Variants in DPYD observed in about 807,000 individuals in gnomAD.
DPYD encodes the protein dihydropyrimidine dehydrogenase.
In DPYD, 109 loss-of-function variants were observed where a neutral mutation model predicts 116.2. That is an observed-to-expected ratio of 0.94 (90% CI 0.80 to 1.10). The LOEUF (loss-of-function observed/expected upper bound fraction) is 1.10. Ranked by LOEUF, DPYD falls within the 50% of genes least tolerant of loss-of-function variation. The pLI is 0.00. For missense variants in DPYD, 1,302 were observed against 1,254.5 expected (o/e 1.04, Z -0.57); for synonymous variants, 440 against 432.0 (o/e 1.02, Z -0.23).
intron 11 of DPYD, among the ~76,000 whole-genome samples, chr1:97,565,950 CT>C (rs1443466632): frequency 3.3e-5 from 5 of 152,154 alleles, no homozygotes; most frequent in African/African-American, 1.2e-4. Context: ...TGACAACTTT[CT>C]AAAGACATAT....
At chr1:97,702,778 C>T (rs981367911) in intron 5 of DPYD, among the ~76,000 whole-genome samples, 6 of 151,992 alleles carry the variant, frequency 3.9e-5, no homozygotes, top group African/African-American at 1.4e-4. Context: ...CCAAATAATA[C>T]ACAATATGTA....
At chr1:97,461,561 G>C (rs911258579) in intron 13 of DPYD, among the ~76,000 whole-genome samples, 6 of 152,102 alleles carry the variant, frequency 3.9e-5, no homozygotes, top group African/African-American at 1.4e-4. Context: ...TTTCTGCCAA[G>C]AATCTATGAA....
chr1:97,145,161 T>A (rs948593062), intron 20 of DPYD, among the ~76,000 whole-genome samples: 1 of 152,222 alleles, frequency 6.6e-6, no homozygotes, highest in Non-Finnish European at 1.5e-5. Context: ...TGTCATTAAT[T>A]TAACAGGGAG....
chr1:97,852,102 A>C (rs1231950563), intron 2 of DPYD, among the ~76,000 whole-genome samples: 1 of 152,018 alleles, frequency 6.6e-6, no homozygotes, highest in Non-Finnish European at 1.5e-5. Flanking sequence ...AAGAATGTGG[A>C]AATTAAGCCA....
At chr1:97,748,324 T>C in intron 3 of DPYD, among the ~76,000 whole-genome samples, 1 of 152,022 alleles carries the variant, frequency 6.6e-6, no homozygotes, top group Non-Finnish European at 1.5e-5. Flanking sequence ...AAGAGTATAA[T>C]TTGGCCAGGC....
intron 2 of DPYD, among the ~76,000 whole-genome samples, chr1:97,842,328 T>G (rs1311222608): frequency 6.6e-6 from 1 of 151,960 alleles, no homozygotes; most frequent in Non-Finnish European, 1.5e-5. Flanking sequence ...GAATAACAAG[T>G]ATAATAAAAT....
intron 8 of DPYD, among the ~76,000 whole-genome samples, chr1:97,606,888 G>A (rs1010933960): frequency 1.3e-5 from 2 of 151,856 alleles, no homozygotes; most frequent in African/African-American, 4.8e-5. Flanking sequence ...GGCATTGCAG[G>A]GGGTATCCAT....
chr1:97,667,972 T>C (rs1409235240), intron 8 of DPYD, among the ~76,000 whole-genome samples: 2 of 152,238 alleles, frequency 1.3e-5, no homozygotes, highest in Admixed American at 6.5e-5. Context: ...AAATATATAA[T>C]GTATGATTCC....
At chr1:97,585,164 A>G (rs1218200416) in intron 10 of DPYD, among the ~76,000 whole-genome samples, 10 of 152,136 alleles carry the variant, frequency 6.6e-5, no homozygotes, top group Non-Finnish European at 1.2e-4. Flanking sequence ...GGGCTGCACT[A>G]TATGTTGAGT....
intron 11 of DPYD, among the ~76,000 whole-genome samples, chr1:97,556,489 A>C (rs373608512): frequency 7.9e-6 from 1 of 127,044 alleles, no homozygotes; most frequent in African/African-American, 2.9e-5. Flanking sequence ...ATATCTCCCA[A>C]TGCTATCCCT....
At chr1:97,659,257 C>A (rs896320511) in intron 8 of DPYD, among the ~76,000 whole-genome samples, 1 of 152,146 alleles carries the variant, frequency 6.6e-6, no homozygotes, top group Non-Finnish European at 1.5e-5. Flanking sequence ...TAACAGGTAC[C>A]TAGACAGACC....
intron 5 of DPYD, among the ~76,000 whole-genome samples, chr1:97,702,962 C>A (rs1355385212): frequency 6.6e-6 from 1 of 151,878 alleles, no homozygotes; most frequent in Non-Finnish European, 1.5e-5. Context: ...TGAAAGCAAG[C>A]ACACTCCTCA....
intron 3 of DPYD, among the ~76,000 whole-genome samples, chr1:97,763,608 T>C (rs868018738): frequency 2.0e-5 from 3 of 152,202 alleles, no homozygotes; most frequent in Middle Eastern, 3.4e-3. Flanking sequence ...TAGTTTGTCA[T>C]ACACAGTAGG....
chr1:97,437,657 T>A (rs1675543816), intron 14 of DPYD, among the ~76,000 whole-genome samples: 1 of 152,002 alleles, frequency 6.6e-6, no homozygotes. Context: ...AGATATATGA[T>A]TTGCAACTAT....
In DPYD at chr1:97,583,763, TA is replaced by T. The variant is rs572776316; in HGVS notation, c.1128+9454del. On this transcript the variant is annotated intron_variant, in intron 10 of 22. Coordinates refer to ENST00000370192, the MANE Select transcript of DPYD (RefSeq NM_000110.4). ...AGATTGACATAAAAATGTGACGCAA[TA>T]TTTTTTTTAACAGTTTAAAATAAAA... is the stretch of plus-strand genomic sequence containing the variant. Among the ~76,000 whole-genome samples the T allele has an allele frequency of 3.2e-3, 491 of 151,760 alleles. 5 individuals are homozygous for T. Among genetic ancestry groups the T allele is most frequent in the African/African-American group, 0.012 (477 of 41,242 alleles).
intron 18 of DPYD, among the ~76,000 whole-genome samples, chr1:97,245,448 G>C (rs924771863): frequency 1.3e-5 from 2 of 152,032 alleles, no homozygotes; most frequent in Non-Finnish European, 2.9e-5. Context: ...ATTTAAAAAA[G>C]ACATATTTCC....
intron 11 of DPYD, among the ~76,000 whole-genome samples, chr1:97,566,016 G>A (rs1477899164): frequency 3.3e-5 from 5 of 151,914 alleles, no homozygotes; most frequent in African/African-American, 7.3e-5. Context: ...CTAACAGTGC[G>A]GTGTTGAGCA....
intron 16 of DPYD, among the ~76,000 whole-genome samples, chr1:97,367,722 G>A (rs1246232650): frequency 6.6e-6 from 1 of 152,044 alleles, no homozygotes; most frequent in Admixed American, 6.6e-5. Context: ...ATTACTAAAT[G>A]AGTGTATACT....
intron 18 of DPYD, among the ~76,000 whole-genome samples, chr1:97,294,000 A>C (rs1053056265): frequency 6.6e-6 from 1 of 152,086 alleles, no homozygotes; most frequent in Non-Finnish European, 1.5e-5. Flanking sequence ...ATGCAACTGA[A>C]TATTAAGAAT....
Sources: allele counts gnomAD v4.1 joint callset (sites outside exome capture counted in the v4.1 genomes callset), GRCh38; gene constraint gnomAD v4.1.1; transcripts MANE v1.5; gene names NCBI Gene and HGNC (gene_info 2026-07-23, HGNC 2026-07-21).